Variants in MDH1B observed in about 807,000 individuals in gnomAD.
MDH1B encodes malate dehydrogenase 1B.
Under a neutral mutation model 61.4 loss-of-function variants are expected in MDH1B, and 60 were observed. The observed-to-expected ratio is 0.98, with a 90% CI of 0.79 to 1.21. The LOEUF is 1.21. MDH1B is among the 50% of genes most tolerant of loss of function. MDH1B has a pLI of 0.00. For synonymous variants in MDH1B, 236 were observed against 218.7 expected, an observed-to-expected ratio of 1.08 and a Z score of -0.70; for missense variants, 587 against 632.1, an observed-to-expected ratio of 0.93 and a Z score of 0.76.
rs758643913 is a variant in MDH1B at position 206,738,010 on chromosome 2, A to AT, written c.*472dup. 8 of 152,192 alleles carry AT rather than the reference A, an allele frequency of 5.3e-5. No individual in the cohort carries two copies. Among genetic ancestry groups the AT allele is most frequent in the East Asian group, 1.9e-4 (1 of 5,178 alleles). 9.4% of individuals were successfully genotyped at this position (152,192 alleles called of 1,614,324 possible). Reference sequence around the variant, plus strand: ...CAACTTACTCACTGGTCTCAGTTCAATTTTTTTTTGAGAGACAGAGAGAAA... The same window carrying AT: ...CAACTTACTCACTGGTCTCAGTTCAATTTTTTTTTTGAGAGACAGAGAGAAA... On this transcript the variant is annotated 3_prime_UTR_variant, in exon 12 of 12. Transcript: ENST00000374412.
intron 4 of MDH1B, chr2:206,756,605 C>T: frequency 3.2e-6 from 1 of 308,892 alleles, no homozygotes; most frequent in Non-Finnish European, 6.0e-6. Context: ...AGGGAGAGAG[C>T]AACAGTCAGA....
At chr2:206,745,219 A>G (rs1469358643) in intron 9 of MDH1B, 1 of 326,046 alleles carries the variant, frequency 3.1e-6, no homozygotes, top group African/African-American at 2.2e-5. Flanking sequence ...CCAAAGCTAG[A>G]AAAAGCAAGA....
chr2:206,747,247 A>T (rs188119539), intron 7 of MDH1B, among the ~76,000 whole-genome samples: 3 of 152,326 alleles, frequency 2.0e-5, no homozygotes, highest in African/African-American at 7.2e-5. Context: ...AGGGCTTCCC[A>T]GGTCCTCAAG....
intron 1 of MDH1B, among the ~76,000 whole-genome samples, chr2:206,761,441 G>T (rs1457263236): frequency 6.6e-6 from 1 of 152,116 alleles, no homozygotes; most frequent in Non-Finnish European, 1.5e-5. Flanking sequence ...AGGAAGTTGT[G>T]GGGGTGGGAA....
chr2:206,760,176 T>C (rs1297937194), intron 2 of MDH1B, among the ~76,000 whole-genome samples: 3 of 152,176 alleles, frequency 2.0e-5, no homozygotes, highest in Non-Finnish European at 2.9e-5. Flanking sequence ...AATGAGGCAC[T>C]CACTCTCCCA....
chr2:206,761,256 G>A (rs1689075615), intron 1 of MDH1B, among the ~76,000 whole-genome samples: 1 of 152,108 alleles, frequency 6.6e-6, no homozygotes, highest in East Asian at 1.9e-4. Flanking sequence ...AAACCCTACT[G>A]AATATTTATT....
Position 206,738,486 on chromosome 2 carries a change from G to C in MDH1B, c.1554C>G (p.Ser518=), listed in dbSNP as rs1163541913. The C allele has an allele frequency of 6.3e-7, 1 of 1,581,328 alleles. No individual in the cohort carries two copies. The highest frequency in any genetic ancestry group is 8.6e-7 in the Non-Finnish European group (1 of 1,158,648). Residue 518 remains serine (S), a synonymous_variant, in exon 12 of 12, where the codon TCC becomes TCG. Transcript: ENST00000374412. The stretch of plus-strand genomic sequence containing the variant: ...ATATTTCATCCAATTTGATCTGTTA[G>C]GATTCCACGGTTTTGCCTTCAAATT... The part of the protein sequence containing the change: ...LNEFEGKTVE[S]
intron 7 of MDH1B, among the ~76,000 whole-genome samples, chr2:206,748,637 A>G (rs149708281): frequency 6.6e-6 from 1 of 152,140 alleles, no homozygotes; most frequent in Non-Finnish European, 1.5e-5. Flanking sequence ...CTTTAGGCTT[A>G]CTGTAGTGTC....
chr2:206,752,421 C>G (rs369628124), intron 5 of MDH1B, among the ~76,000 whole-genome samples: 2 of 152,192 alleles, frequency 1.3e-5, no homozygotes, highest in East Asian at 3.9e-4. Flanking sequence ...CTACCTTTGT[C>G]CTGTGAGATT....
rs907210913 is a variant in MDH1B, at chr2:206,739,084, G to A, written c.1528+509C>T. ...AATTTCCTTACTTATTCATCTTGAG[G>A]GAAGGATTTAATGAAGGATTTAAGG... On this transcript the variant is annotated intron_variant, in intron 11 of 11. Transcript: ENST00000374412. 2.0e-5 allele frequency among the ~76,000 whole-genome samples: 3 copies of A among 152,058 alleles called. 1 individual carries two copies. The East Asian group carries it at 5.8e-4, about 29-fold the overall frequency.
At chr2:206,742,030 TGTG>T (rs57100296) in intron 9 of MDH1B, among the ~76,000 whole-genome samples, 16,085 of 152,158 alleles carry the variant, frequency 0.11, 982 homozygotes, top group African/African-American at 0.16. Context: ...TTTGACCATA[TGTG>T]GTGAACAAAG....
At position 206,738,488 on chromosome 2, in the gene MDH1B, A is replaced by C; in HGVS notation, c.1552T>G (p.Ser518Ala). Residue 518 changes from serine to alanine, a missense_variant, in exon 12 of 12, where the codon TCC becomes GCC. Transcript: ENST00000374412. The stretch of plus-strand genomic sequence containing the variant: ...ATTTCATCCAATTTGATCTGTTAGG[A>C]TTCCACGGTTTTGCCTTCAAATTCT... ...LNEFEGKTVE[S>A] 1 of 1,584,260 alleles carries C rather than the reference A, an allele frequency of 6.3e-7. No homozygotes were observed. Among genetic ancestry groups the C allele is most frequent in the Non-Finnish European group, 8.6e-7 (1 of 1,160,344 alleles).
At chr2:206,756,736 C>T in intron 4 of MDH1B, 162 bp downstream of exon 4, 3 of 659,760 alleles carry the variant, frequency 4.5e-6, no homozygotes, top group Non-Finnish European at 7.7e-6. Flanking sequence ...AACACACACA[C>T]ACAGAGATGC....
chr2:206,752,792 C>CTTT (rs35837110), intron 5 of MDH1B, among the ~76,000 whole-genome samples: 1 of 140,822 alleles, frequency 7.1e-6, no homozygotes, highest in Non-Finnish European at 1.5e-5. Context: ...TCCCCTCCTC[C>CTTT]TTTTTTTTTT....
At chr2:206,743,814 A>G (rs1262957418) in intron 9 of MDH1B, among the ~76,000 whole-genome samples, 1 of 151,986 alleles carries the variant, frequency 6.6e-6, no homozygotes, top group Non-Finnish European at 1.5e-5. Context: ...AAATCTGCCC[A>G]GTTGTTCAGC....
Position 206,761,016 on chromosome 2 carries a change from A to G in MDH1B, c.23-3T>C, listed in dbSNP as rs1297235065. ...ATAATATGGACAATCTGCTCTACCT[A>G]AAAGAGTTCAAATTAGCAATGTTTT... On this transcript the variant is annotated splice_region_variant and splice_polypyrimidine_tract_variant and intron_variant, in intron 1 of 11. Coordinates refer to ENST00000374412, the MANE Select transcript of MDH1B (RefSeq NM_001039845.3). 1 of 1,489,196 alleles carries G rather than the reference A, an allele frequency of 6.7e-7. No individual in the cohort carries two copies. 92.2% of individuals were successfully genotyped at this position (1,489,196 alleles called of 1,614,324 possible).
At chr2:206,740,904 C>A in intron 10 of MDH1B, 150 bp downstream of exon 10, 2 of 1,076,952 alleles carry the variant, frequency 1.9e-6, no homozygotes, top group Non-Finnish European at 2.6e-6. Context: ...TTTTTATGCC[C>A]ATTTCAAAGT....
At chr2:206,757,080 A>G in intron 3 of MDH1B, 40 bp from the exon 4 acceptor site, 1 of 1,590,834 alleles carries the variant, frequency 6.3e-7, no homozygotes, top group Non-Finnish European at 8.6e-7. Flanking sequence ...CAGAGAATAG[A>G]TAACTAGTTG....
At chr2:206,748,948 A>G in intron 7 of MDH1B, 72 bp downstream of exon 7, 1 of 1,358,530 alleles carries the variant, frequency 7.4e-7, no homozygotes, top group Non-Finnish European at 1.0e-6. Context: ...ATGGGTGGGG[A>G]CACAGAATTA....
Sources: allele counts gnomAD v4.1 joint callset (sites outside exome capture counted in the v4.1 genomes callset), GRCh38; gene constraint gnomAD v4.1.1; transcripts MANE v1.5; gene names NCBI Gene and HGNC (gene_info 2026-07-23, HGNC 2026-07-21).